CACNA2D1: variants seen among roughly 807,000 people sequenced by gnomAD.
The protein encoded by CACNA2D1 is voltage-dependent calcium channel subunit alpha-2/delta-1.
A neutral mutation model predicts 171.5 loss-of-function variants in CACNA2D1; 53 were observed. The observed-to-expected ratio is 0.31, with a 90% CI of 0.25 to 0.39. The LOEUF is 0.39. Ranked by LOEUF, CACNA2D1 falls within the 10% of genes least tolerant of loss-of-function variation. CACNA2D1 has a pLI of 1.00. For synonymous variants in CACNA2D1, 442 were observed against 443.1 expected (o/e 1.00, Z 0.03); for missense variants, 903 against 1,299.8 (o/e 0.69, Z 4.69).
intron 18 of CACNA2D1, 129 bp from the exon 19 acceptor site, chr7:81,997,379 C>G (rs1798152602): frequency 1.9e-6 from 1 of 525,294 alleles, no homozygotes; most frequent in African/African-American, 2.0e-5. Flanking sequence ...ATAAAGGTAT[C>G]TTCTTTCATA....
chr7:82,202,108 G>A (rs981180394), intron 3 of CACNA2D1, among the ~76,000 whole-genome samples: 1 of 152,170 alleles, frequency 6.6e-6, no homozygotes, highest in Non-Finnish European at 1.5e-5. Context: ...GCCAGGTGAG[G>A]TGCATTAGGT....
intron 6 of CACNA2D1, among the ~76,000 whole-genome samples, chr7:82,112,860 A>G (rs951102463): frequency 2.0e-5 from 3 of 152,198 alleles, no homozygotes; most frequent in Non-Finnish European, 4.4e-5. Flanking sequence ...TACAGCGGCT[A>G]TATCTTTTAA....
chr7:81,957,840 G>C (rs372997130), intron 38 of CACNA2D1, among the ~76,000 whole-genome samples: 20 of 152,176 alleles, frequency 1.3e-4, no homozygotes, highest in African/African-American at 4.3e-4. Flanking sequence ...TTAATGGCTT[G>C]ATCATAAGAT....
intron 3 of CACNA2D1, among the ~76,000 whole-genome samples, chr7:82,274,003 TAGA>T (rs1808985891): frequency 6.6e-6 from 1 of 152,176 alleles, no homozygotes; most frequent in Non-Finnish European, 1.5e-5. Flanking sequence ...ACTGCTGTTC[TAGA>T]AGACCATATG....
chr7:82,259,783 G>C (rs1806838350), intron 3 of CACNA2D1, among the ~76,000 whole-genome samples: 1 of 152,284 alleles, frequency 6.6e-6, no homozygotes, highest in Admixed American at 6.5e-5. Context: ...GTTAGGTTTG[G>C]TTTGACTACT....
At chr7:82,387,915 C>G (rs1443793598) in intron 1 of CACNA2D1, among the ~76,000 whole-genome samples, 1 of 151,902 alleles carries the variant, frequency 6.6e-6, no homozygotes, top group Non-Finnish European at 1.5e-5. Context: ...AACCCCATCT[C>G]TACAAAAAAT....
chr7:82,293,646 T>C (rs576387274), intron 3 of CACNA2D1, among the ~76,000 whole-genome samples: 1 of 152,356 alleles, frequency 6.6e-6, no homozygotes, highest in South Asian at 2.1e-4. Context: ...AATAGTTTCC[T>C]GTTTTAGAAT....
intron 3 of CACNA2D1, among the ~76,000 whole-genome samples, chr7:82,174,397 T>C (rs773162111): frequency 2.6e-4 from 39 of 152,108 alleles, no homozygotes; most frequent in Middle Eastern, 3.2e-3. Context: ...TGAAAATCCT[T>C]TGGATATCAA....
chr7:82,043,761 T>C (rs1488137734), intron 10 of CACNA2D1, among the ~76,000 whole-genome samples: 1 of 152,294 alleles, frequency 6.6e-6, no homozygotes, highest in East Asian at 1.9e-4. Context: ...CATCACATTA[T>C]GTCAGGATAC....
chr7:82,075,444 T>C (rs79786380), intron 7 of CACNA2D1, among the ~76,000 whole-genome samples: 8,943 of 152,264 alleles, frequency 0.059, 288 homozygotes, highest in Middle Eastern at 0.15. Context: ...GACTTGGAAA[T>C]AAGCGTGAGC....
rs6942647 is a variant in CACNA2D1 at position 82,096,986 on chromosome 7, G to C, written c.527-12086C>G. Among the ~76,000 whole-genome samples, 1,211 of 152,172 alleles carry C rather than the reference G, an allele frequency of 8.0e-3. 25 individuals are homozygous for C. The highest frequency in any genetic ancestry group is 0.028 in the African/African-American group (1,150 of 41,506). On this transcript the variant is annotated intron_variant, in intron 6 of 38. Coordinates refer to ENST00000356860, the MANE Select transcript of CACNA2D1 (RefSeq NM_000722.4). ...ATAACAGACCCTATGAGTAACACCTGCCTATCAGAAACTAAGCAAAGGTTT... is the reference window on the plus strand; with the variant it reads ...ATAACAGACCCTATGAGTAACACCTCCCTATCAGAAACTAAGCAAAGGTTT...
chr7:82,151,507 T>C (rs762022412), intron 4 of CACNA2D1, among the ~76,000 whole-genome samples: 1 of 152,110 alleles, frequency 6.6e-6, no homozygotes, highest in African/African-American at 2.4e-5. Context: ...CATTTATCAA[T>C]TAGGCAAAGA....
chr7:82,400,963 C>G (rs1585822305), intron 1 of CACNA2D1, among the ~76,000 whole-genome samples: 2 of 152,182 alleles, frequency 1.3e-5, no homozygotes, highest in African/African-American at 4.8e-5. Context: ...AAATGCTCAT[C>G]ATCACTGGCC....
chr7:82,443,800 A>C, upstream of CACNA2D1: 1 of 848,210 alleles, frequency 1.2e-6, no homozygotes, highest in Non-Finnish European at 1.5e-6. Flanking sequence ...TTCCTCCCTG[A>C]TTTATTCCCC....
intron 3 of CACNA2D1, among the ~76,000 whole-genome samples, chr7:82,312,227 C>T (rs566946746): frequency 3.3e-5 from 5 of 152,218 alleles, no homozygotes; most frequent in Admixed American, 6.5e-5. Flanking sequence ...TAGTTTCCAG[C>T]TCACTGAAAT....
chr7:81,948,912 C>T lies in CACNA2D1; in HGVS notation c.*1480G>A, dbSNP rs1792256119. On this transcript the variant is annotated 3_prime_UTR_variant, in exon 39 of 39. Transcript: ENST00000356860. ...TGAAATATCTGATTTACTACACTAACCATTTTCACCAATGAGGCTGTATAA... is the reference window on the plus strand; with the variant it reads ...TGAAATATCTGATTTACTACACTAATCATTTTCACCAATGAGGCTGTATAA... 6.6e-6 allele frequency: 1 copy of T among 151,934 alleles called. No individual in the cohort carries two copies. Among genetic ancestry groups the T allele is most frequent in the Non-Finnish European group, 1.5e-5 (1 of 67,876 alleles). 9.4% of individuals were successfully genotyped at this position (151,934 alleles called of 1,614,324 possible).
intron 4 of CACNA2D1, among the ~76,000 whole-genome samples, chr7:82,137,589 T>G (rs942591282): frequency 6.6e-6 from 1 of 151,838 alleles, no homozygotes; most frequent in Non-Finnish European, 1.5e-5. Flanking sequence ...TGTAAAATTT[T>G]AGGCTGACGC....
chr7:81,969,339 A>T (rs1210529940), intron 28 of CACNA2D1, among the ~76,000 whole-genome samples: 1 of 151,452 alleles, frequency 6.6e-6, no homozygotes, highest in Non-Finnish European at 1.5e-5. Context: ...TGTCTTTTAT[A>T]AGACGTATGT....
chr7:82,404,195 A>G (rs1826766640), intron 1 of CACNA2D1, among the ~76,000 whole-genome samples: 1 of 152,186 alleles, frequency 6.6e-6, no homozygotes, highest in African/African-American at 2.4e-5. Flanking sequence ...GAAACTCTGG[A>G]GCCAAAAGAA....
Sources: gnomAD v4.1 joint callset for allele counts (sites outside exome capture counted in the v4.1 genomes callset) on GRCh38, gnomAD v4.1.1 for gene constraint, MANE v1.5 for transcripts, NCBI Gene and HGNC (gene_info 2026-07-23, HGNC 2026-07-21) for gene names.